The following AP3D1 variants were observed in gnomAD, a reference collection of about 807,000 sequenced individuals.
The protein encoded by AP3D1 is AP-3 complex subunit delta-1.
In AP3D1, 51 loss-of-function variants were observed where a neutral mutation model predicts 147.6. That is an observed-to-expected ratio of 0.35 (90% CI 0.28 to 0.44). The LOEUF (loss-of-function observed/expected upper bound fraction) is 0.44. Among genes scored for constraint, AP3D1 ranks in the 20% least tolerant of loss-of-function variants. AP3D1 has a pLI of 1.00. For synonymous variants in AP3D1, 760 were observed against 663.0 expected, an observed-to-expected ratio of 1.15 and a Z score of -2.25; for missense variants, 1,421 against 1,624.2, an observed-to-expected ratio of 0.87 and a Z score of 2.15.
rs78459957 is a variant in AP3D1 at position 2,113,701 on chromosome 19, C to G, written c.2602-288G>C. On this transcript the variant is annotated intron_variant, in intron 22 of 31. Coordinates refer to ENST00000643116, the MANE Select transcript of AP3D1 (RefSeq NM_001261826.3). ...GGCGGCCCATATGTCTTATGTCTGC[C>G]TGGGCCACCTGACGTGGGTGTGGAC... Among the ~76,000 whole-genome samples, 18,984 of 152,270 alleles carry G rather than the reference C, an allele frequency of 0.12. 1,313 individuals are homozygous for G. Among genetic ancestry groups the G allele is most frequent in the Non-Finnish European group, 0.16 (10,681 of 67,990 alleles).
intron 1 of AP3D1, chr19:2,164,192 A>G (rs938587840): frequency 8.7e-7 from 1 of 1,146,902 alleles, no homozygotes; most frequent in East Asian, 4.6e-5. Flanking sequence ...GACATGGGGG[A>G]GAAGCTGGAG....
intron 1 of AP3D1, among the ~76,000 whole-genome samples, chr19:2,148,234 C>T (rs918667425): frequency 1.3e-5 from 2 of 151,990 alleles, no homozygotes; most frequent in African/African-American, 2.4e-5. Flanking sequence ...TATTAAAAGT[C>T]GTTTGTTTTT....
Position 2,151,372 on chromosome 19 carries a change from G to C in AP3D1, c.-38C>G. On this transcript the variant is annotated 5_prime_UTR_variant, in exon 1 of 32. Coordinates refer to ENST00000643116, the MANE Select transcript of AP3D1 (RefSeq NM_001261826.3). ...CGGGCTTTTGCCTCGGGAGGCCCGCGGCTGGGCGCCGTGAGGGGGCCCGGG... is the reference window on the plus strand; with the variant it reads ...CGGGCTTTTGCCTCGGGAGGCCCGCCGCTGGGCGCCGTGAGGGGGCCCGGG... 6.9e-7 allele frequency: 1 copy of C among 1,455,994 alleles called. No homozygotes were observed. Among genetic ancestry groups the C allele is most frequent in the Non-Finnish European group, 9.2e-7 (1 of 1,088,968 alleles). The allele number at this position is 1,455,994 out of a possible 1,614,324, so 90.2% of individuals were successfully genotyped here.
intron 2 of AP3D1, 89 bp from the exon 3 acceptor site, chr19:2,137,896 CA>C: frequency 7.4e-6 from 9 of 1,217,966 alleles, no homozygotes; most frequent in African/African-American, 1.5e-5. Context: ...CCTCCCAGCA[CA>C]CGGTGCTGGA....
chr19:2,109,325 G>A (rs966498565), intron 29 of AP3D1, 118 bp from the exon 30 acceptor site: 29 of 1,380,618 alleles, frequency 2.1e-5, no homozygotes, highest in Non-Finnish European at 2.8e-5. Flanking sequence ...GTGTGTCTGG[G>A]CCGGGAGGTC....
intron 1 of AP3D1, among the ~76,000 whole-genome samples, chr19:2,160,312 T>A (rs1225337236): frequency 6.6e-6 from 1 of 152,020 alleles, no homozygotes; most frequent in African/African-American, 2.4e-5. Context: ...GTGGATAGCC[T>A]GAGGTCAGGA....
chr19:2,112,074 CCAGGGAGCCATG>C (rs1296027184), intron 24 of AP3D1: 3 of 574,422 alleles, frequency 5.2e-6, no homozygotes, highest in Middle Eastern at 9.5e-4. Flanking sequence ...TCCCCACCGA[CCAGGGAGCCATG>C]CAGGGCAAAC....
chr19:2,112,169 C>T (rs988773497), intron 24 of AP3D1: 17 of 353,516 alleles, frequency 4.8e-5, no homozygotes, highest in Non-Finnish European at 6.9e-5. Flanking sequence ...CACACATCCA[C>T]GCGCACTGCG....
chr19:2,155,853 C>A (rs962025762), upstream of AP3D1, among the ~76,000 whole-genome samples: 2 of 151,952 alleles, frequency 1.3e-5, no homozygotes, highest in Non-Finnish European at 1.5e-5. Flanking sequence ...GAGATTGAGA[C>A]CATCCTGGCT....
At chr19:2,120,674 G>A (rs188428468) in intron 14 of AP3D1, among the ~76,000 whole-genome samples, 188 bp downstream of exon 14, 8 of 152,296 alleles carry the variant, frequency 5.3e-5, no homozygotes, top group East Asian at 1.9e-4. Context: ...GCACAGACTC[G>A]CCTCTGTAAA....
intron 8 of AP3D1, among the ~76,000 whole-genome samples, chr19:2,128,472 C>G (rs1255341860): frequency 1.2e-4 from 11 of 93,736 alleles, no homozygotes; most frequent in Non-Finnish European, 1.7e-4. Flanking sequence ...GGCCCGCCCC[C>G]GCCGCTCCGA....
intron 9 of AP3D1, 70 bp from the exon 10 acceptor site, chr19:2,123,949 G>C (rs1024776542): frequency 5.3e-6 from 8 of 1,507,846 alleles, no homozygotes; most frequent in Non-Finnish European, 7.2e-6. Flanking sequence ...TCAGGGCCAC[G>C]GGGCACCAGC....
At chr19:2,130,187 C>G (rs1021643071) in intron 6 of AP3D1, among the ~76,000 whole-genome samples, 2 of 152,178 alleles carry the variant, frequency 1.3e-5, no homozygotes, top group Non-Finnish European at 2.9e-5. Flanking sequence ...ACACGCCAGA[C>G]TCACCGCCAG....
intron 1 of AP3D1, among the ~76,000 whole-genome samples, chr19:2,142,190 A>G (rs1486709553): frequency 2.0e-5 from 3 of 151,568 alleles, no homozygotes; most frequent in Non-Finnish European, 2.9e-5. Flanking sequence ...GCTAATTTCT[A>G]TATTTTTAGA....
At chr19:2,106,410 G>A (rs539561434) in intron 31 of AP3D1, among the ~76,000 whole-genome samples, 1 of 152,222 alleles carries the variant, frequency 6.6e-6, no homozygotes. Flanking sequence ...TTAGTGGGGC[G>A]AGGTGGCATG....
chr19:2,111,506 C>A (rs1007044754), intron 25 of AP3D1, 173 bp downstream of exon 25: 4 of 1,198,604 alleles, frequency 3.3e-6, no homozygotes, highest in Non-Finnish European at 4.6e-6. Context: ...CAGCCCACCA[C>A]GGGGGTGCCT....
At chr19:2,133,136 A>G (rs1041286209) in intron 4 of AP3D1, among the ~76,000 whole-genome samples, 2 of 152,148 alleles carry the variant, frequency 1.3e-5, no homozygotes, top group African/African-American at 4.8e-5. Context: ...TGGGCCTGGC[A>G]CAGAATGGGC....
rs77523434 is a variant in AP3D1, at chr19:2,131,593, A to C, written c.462+878T>G. 5.8e-5 allele frequency among the ~76,000 whole-genome samples: 7 copies of C among 119,846 alleles called. 1 individual carries two copies. The highest frequency in any genetic ancestry group is 2.6e-4 in the African/African-American group (7 of 27,222). 78.6% of individuals were successfully genotyped at this position (119,846 alleles called of 152,430 possible). A position where few individuals can be genotyped will look rare whatever the true frequency, so the allele number is the denominator to read the frequency against. On this transcript the variant is annotated intron_variant, in intron 5 of 31. Coordinates refer to ENST00000643116, the MANE Select transcript of AP3D1 (RefSeq NM_001261826.3). ...GCCCATCGGCCACGATCTAGACACC[A>C]GGTGGACAGGCAGCCACGCGGGGAC...
At chr19:2,123,971 G>A (rs974799660) in intron 9 of AP3D1, 92 bp from the exon 10 acceptor site, 7 of 1,381,416 alleles carry the variant, frequency 5.1e-6, no homozygotes, top group East Asian at 2.5e-5. Context: ...CCCCCTCGCC[G>A]GGAGGAGGGA....
Sources: allele counts gnomAD v4.1 joint callset (sites outside exome capture counted in the v4.1 genomes callset), GRCh38; gene constraint gnomAD v4.1.1; transcripts MANE v1.5; gene names NCBI Gene and HGNC (gene_info 2026-07-23, HGNC 2026-07-21).